TBC1D19: variants seen among roughly 807,000 people sequenced by gnomAD.
TBC1D19 encodes the protein TBC1 domain family, member 19.
TBC1D19 carries 60 observed loss-of-function variants against 89.0 expected under a neutral mutation model. The observed-to-expected ratio is 0.67, with a 90% CI of 0.55 to 0.84. TBC1D19 has a LOEUF of 0.84. Among genes scored for constraint, TBC1D19 ranks in the 40% least tolerant of loss-of-function variants. TBC1D19 has a pLI of 0.00. For synonymous variants in TBC1D19, 189 were observed against 199.7 expected, an observed-to-expected ratio of 0.95 and a Z score of 0.45; for missense variants, 500 against 610.8, an observed-to-expected ratio of 0.82 and a Z score of 1.91.
At chr4:26,633,571 G>A (rs1560431833) in intron 4 of TBC1D19, among the ~76,000 whole-genome samples, 1 of 152,082 alleles carries the variant, frequency 6.6e-6, no homozygotes, top group African/African-American at 2.4e-5. Context: ...CAAGGCTCAG[G>A]GGTTAGCAGC....
the TBC1D19 span, among the ~76,000 whole-genome samples, chr4:26,812,619 C>T: frequency 1.3e-5 from 2 of 152,214 alleles, no homozygotes; most frequent in Middle Eastern, 6.8e-3. The surrounding 1 kb of genome is among the most constrained non-coding windows in gnomAD (Gnocchi z 4.2). Flanking sequence ...AGTGTGCTTA[C>T]TATTTAGAGG....
chr4:26,620,755 T>A (rs1681023696), intron 4 of TBC1D19, 67 bp downstream of exon 4: 1 of 1,392,656 alleles, frequency 7.2e-7, no homozygotes, highest in African/African-American at 1.4e-5. Context: ...CAAAAGATCA[T>A]TACTGATGTC....
intron 16 of TBC1D19, among the ~76,000 whole-genome samples, chr4:26,736,651 G>T (rs949558535): frequency 6.6e-6 from 1 of 152,182 alleles, no homozygotes; most frequent in Non-Finnish European, 1.5e-5. Context: ...TGTAAAATCA[G>T]ATGGCTTAAA....
intron 13 of TBC1D19, among the ~76,000 whole-genome samples, chr4:26,692,575 A>G (rs1170045582): frequency 6.6e-6 from 1 of 152,246 alleles, no homozygotes; most frequent in Non-Finnish European, 1.5e-5. Context: ...AGCTTTAACA[A>G]CAGTAACTCT....
the TBC1D19 span, among the ~76,000 whole-genome samples, chr4:26,822,312 G>A: frequency 6.6e-6 from 1 of 152,232 alleles, no homozygotes; most frequent in Non-Finnish European, 1.5e-5. Context: ...CAAGCCAAAT[G>A]TGAGTGACTG....
chr4:26,804,272 A>G, the TBC1D19 span, among the ~76,000 whole-genome samples: 1 of 151,840 alleles, frequency 6.6e-6, no homozygotes, highest in Admixed American at 6.6e-5. Flanking sequence ...CAGCCTCCCG[A>G]GTAGCTGGGA....
chr4:26,833,218 G>A, the TBC1D19 span, among the ~76,000 whole-genome samples: 1 of 152,104 alleles, frequency 6.6e-6, no homozygotes, highest in African/African-American at 2.4e-5. Flanking sequence ...GACTTCACAA[G>A]TGCCAAGCTA....
chr4:26,737,752 G>A (rs1427093532), intron 16 of TBC1D19, among the ~76,000 whole-genome samples: 8 of 152,010 alleles, frequency 5.3e-5, no homozygotes, highest in African/African-American at 1.9e-4. Flanking sequence ...AGGAACTCTA[G>A]TTAGTACTTT....
At chr4:26,789,689 A>G in the TBC1D19 span, among the ~76,000 whole-genome samples, 1 of 152,212 alleles carries the variant, frequency 6.6e-6, no homozygotes, top group Non-Finnish European at 1.5e-5. Context: ...TTGATCCAGT[A>G]ATCTCACTAC....
chr4:26,740,554 A>C (rs535287760), intron 17 of TBC1D19: 4 of 702,120 alleles, frequency 5.7e-6, no homozygotes, highest in Admixed American at 1.3e-4. Flanking sequence ...CAATATAAGA[A>C]TCAAGGAAAA....
At chr4:26,803,380 T>C in the TBC1D19 span, among the ~76,000 whole-genome samples, 1 of 152,168 alleles carries the variant, frequency 6.6e-6, no homozygotes, top group South Asian at 2.1e-4. Flanking sequence ...GAACCATAAA[T>C]ACCACCCAAG....
intron 13 of TBC1D19, among the ~76,000 whole-genome samples, chr4:26,700,917 G>A (rs1162651222): frequency 6.6e-6 from 1 of 152,026 alleles, no homozygotes; most frequent in Non-Finnish European, 1.5e-5. Flanking sequence ...ATCAATTCAT[G>A]TCACTTGTTT....
intron 4 of TBC1D19, among the ~76,000 whole-genome samples, chr4:26,626,193 A>T (rs1290306077): frequency 1.3e-5 from 2 of 152,096 alleles, no homozygotes; most frequent in South Asian, 4.1e-4. Context: ...TTATTGTGGC[A>T]TGTTAAAGGT....
At chr4:26,635,792 G>C (rs946258696) in intron 4 of TBC1D19, among the ~76,000 whole-genome samples, 2 of 151,996 alleles carry the variant, frequency 1.3e-5, no homozygotes, top group Admixed American at 1.3e-4. Flanking sequence ...TCTTGGTTGG[G>C]GACCAGGTGA....
At chr4:26,596,323 A>G (rs1740208900) in intron 1 of TBC1D19, among the ~76,000 whole-genome samples, 1 of 152,094 alleles carries the variant, frequency 6.6e-6, no homozygotes, top group African/African-American at 2.4e-5. Flanking sequence ...GTCTGTTCTG[A>G]TAGGTTGCAT....
intron 9 of TBC1D19, among the ~76,000 whole-genome samples, chr4:26,669,811 A>G (rs1416031429): frequency 6.6e-6 from 1 of 151,842 alleles, no homozygotes; most frequent in Admixed American, 6.6e-5. Context: ...GCATATTATG[A>G]GAAGAAAATC....
the TBC1D19 span, among the ~76,000 whole-genome samples, chr4:26,824,618 A>G: frequency 1.3e-4 from 19 of 151,866 alleles, no homozygotes; most frequent in Non-Finnish European, 8.8e-5. Context: ...TCCACATTAT[A>G]TTACTGCACT....
chr4:26,609,966 A>C (rs896076460), intron 1 of TBC1D19, among the ~76,000 whole-genome samples: 4 of 152,162 alleles, frequency 2.6e-5, no homozygotes, highest in African/African-American at 9.6e-5. Flanking sequence ...CATAGTAAAT[A>C]AATTAATCAT....
chr4:26,756,992 G>A (rs529497128), downstream of TBC1D19, among the ~76,000 whole-genome samples: 7 of 147,856 alleles, frequency 4.7e-5, no homozygotes, highest in East Asian at 1.4e-3. Flanking sequence ...ACTGCACTGA[G>A]GGTCATCGGG....
Sources: gnomAD v4.1 joint callset for allele counts (sites outside exome capture counted in the v4.1 genomes callset) on GRCh38, gnomAD v4.1.1 for gene constraint, Gnocchi (gnomAD v3.1) non-coding constraint, MANE v1.5 for transcripts, NCBI Gene and HGNC (gene_info 2026-07-23, HGNC 2026-07-21) for gene names.